CHCHD3: variants seen among roughly 807,000 people sequenced by gnomAD.
CHCHD3 encodes the protein coiled-coil-helix-coiled-coil-helix domain containing 3, also known as MICOS complex subunit MIC19.
Under a neutral mutation model 38.2 loss-of-function variants are expected in CHCHD3, and 20 were observed. The ratio of observed to expected loss-of-function variants is 0.52; its 90% CI spans 0.37 to 0.76. The LOEUF is 0.76. CHCHD3 is among the 30% of genes least tolerant of loss of function. The probability of loss-of-function intolerance (pLI) is 0.00; values close to 1 mark genes in which losing one functional copy is unlikely to be tolerated. For synonymous variants in CHCHD3, 82 were observed against 100.0 expected, an observed-to-expected ratio of 0.82 and a Z score of 1.07; for missense variants, 245 against 279.2, an observed-to-expected ratio of 0.88 and a Z score of 0.87.
chr7:133,058,102 C>A (rs1814393988), intron 2 of CHCHD3, among the ~76,000 whole-genome samples: 1 of 152,098 alleles, frequency 6.6e-6, no homozygotes, highest in Non-Finnish European at 1.5e-5. Flanking sequence ...TTTGCTGTCC[C>A]ACAAAATTAA....
Position 132,919,415 on chromosome 7 carries a change from T to C in CHCHD3, c.370-33670A>G, listed in dbSNP as rs561910750. Among the ~76,000 whole-genome samples, 63 of 152,138 alleles carry C rather than the reference T, an allele frequency of 4.1e-4. 1 individual carries two copies. The highest frequency in any genetic ancestry group is 1.3e-3 in the African/African-American group (56 of 41,522). ...CGTGAGCCACTGTGCCCGGCCATAG[T>C]TGGGTTTATTCTTAGAAGACCCCAC... On this transcript the variant is annotated intron_variant, in intron 4 of 7. Transcript: ENST00000262570.
chr7:132,824,314 CTTTTTTT>C (rs57262694), intron 6 of CHCHD3, among the ~76,000 whole-genome samples: 2 of 90,132 alleles, frequency 2.2e-5, no homozygotes, highest in Non-Finnish European at 2.1e-5. Flanking sequence ...TAGTAGAACT[CTTTTTTT>C]TTTTTTTTTT....
chr7:133,016,412 T>A (rs534374846), intron 3 of CHCHD3, among the ~76,000 whole-genome samples: 11 of 152,344 alleles, frequency 7.2e-5, no homozygotes, highest in African/African-American at 2.6e-4. Context: ...TGTGTCTGTA[T>A]AAAACTGTGA....
At chr7:132,949,862 T>C (rs1810996426) in intron 4 of CHCHD3, among the ~76,000 whole-genome samples, 1 of 151,968 alleles carries the variant, frequency 6.6e-6, no homozygotes, top group Non-Finnish European at 1.5e-5. Flanking sequence ...CATTGTAGAG[T>C]AGCACAGAAT....
chr7:132,793,491 T>C (rs555270105), intron 7 of CHCHD3, among the ~76,000 whole-genome samples: 20 of 152,266 alleles, frequency 1.3e-4, no homozygotes, highest in Middle Eastern at 3.4e-3. Flanking sequence ...CAAGAAATAA[T>C]AGCCTAAATG....
At chr7:132,954,831 C>T (rs1394133666) in intron 4 of CHCHD3, among the ~76,000 whole-genome samples, 1 of 152,150 alleles carries the variant, frequency 6.6e-6, no homozygotes, top group Admixed American at 6.6e-5. Context: ...ATACAGCTTG[C>T]CCTGACGGAG....
intron 4 of CHCHD3, among the ~76,000 whole-genome samples, chr7:132,945,603 G>C (rs1461984734): frequency 1.3e-5 from 2 of 151,882 alleles, no homozygotes; most frequent in Non-Finnish European, 2.9e-5. Context: ...ACACATATGA[G>C]AGTAAGCTGA....
intron 5 of CHCHD3, among the ~76,000 whole-genome samples, chr7:132,869,576 G>C (rs1808715408): frequency 6.6e-6 from 1 of 151,992 alleles, no homozygotes; most frequent in Non-Finnish European, 1.5e-5. Context: ...AGATAAATCT[G>C]CTGCCCCCAC....
In CHCHD3 at chr7:133,035,426, G is replaced by A. The variant is rs1444180160; in HGVS notation, c.170-10799C>T. On this transcript the variant is annotated intron_variant, in intron 2 of 7. Coordinates refer to ENST00000262570, the MANE Select transcript of CHCHD3 (RefSeq NM_017812.4). This position sits in a 1 kb window ranked among gnomAD's most constrained non-coding sequence, Gnocchi z 4.7. ...GCTTATAGAGCCACAACAGGGTGCA[G>A]ACAACTGTGATGTCAGCCAATGTCA... 1 of 1,613,518 alleles carries A rather than the reference G, an allele frequency of 6.2e-7. No homozygotes were observed. The highest frequency in any genetic ancestry group is 8.5e-7 in the Non-Finnish European group (1 of 1,179,488).
intron 4 of CHCHD3, among the ~76,000 whole-genome samples, chr7:132,894,924 T>C (rs1383589366): frequency 6.6e-6 from 1 of 152,234 alleles, no homozygotes; most frequent in African/African-American, 2.4e-5. Context: ...AGTATTCTTA[T>C]TAGAAGCTCA....
Position 133,008,100 on chromosome 7 carries a change from T to C in CHCHD3, c.251+16446A>G, listed in dbSNP as rs539813728. Among the ~76,000 whole-genome samples, 11 of 152,338 alleles carry C rather than the reference T, an allele frequency of 7.2e-5. No homozygotes were observed. The South Asian group carries it at 2.3e-3, about 32-fold the overall frequency. On this transcript the variant is annotated intron_variant, in intron 3 of 7. Transcript: ENST00000262570. ...GGAAAAAAACCTGAGGAGATAAGAA[T>C]AGTGCAACCAATTCATGACTGGACA...
intron 2 of CHCHD3, among the ~76,000 whole-genome samples, chr7:133,037,108 A>C (rs1418188441): frequency 1.3e-5 from 2 of 152,218 alleles, no homozygotes; most frequent in African/African-American, 4.8e-5. Context: ...TTATCTTTGA[A>C]TGCTGCTAAA....
chr7:132,986,896 A>T (rs1487849391), intron 3 of CHCHD3, among the ~76,000 whole-genome samples: 1 of 152,168 alleles, frequency 6.6e-6, no homozygotes, highest in Non-Finnish European at 1.5e-5. Context: ...AGAGCTGCTA[A>T]CCCCTGAGCC....
At chr7:133,079,589 G>C (rs1273114742) in intron 1 of CHCHD3, among the ~76,000 whole-genome samples, 1 of 152,182 alleles carries the variant, frequency 6.6e-6, no homozygotes, top group African/African-American at 2.4e-5. Context: ...AACCAATCAA[G>C]GGAAGTGATG....
intron 6 of CHCHD3, among the ~76,000 whole-genome samples, chr7:132,829,879 T>A (rs1031364621): frequency 5.3e-5 from 8 of 152,188 alleles, no homozygotes; most frequent in Non-Finnish European, 1.2e-4. Context: ...CCTGCCCTTT[T>A]TATCCCTATA....
chr7:132,822,431 TA>T (rs917104026), intron 6 of CHCHD3, among the ~76,000 whole-genome samples: 35 of 148,764 alleles, frequency 2.4e-4, no homozygotes, highest in Middle Eastern at 6.9e-3. Flanking sequence ...TTTTTTAATT[TA>T]AAAAAAAAAG....
intron 6 of CHCHD3, among the ~76,000 whole-genome samples, chr7:132,815,097 A>C (rs958316925): frequency 1.3e-5 from 2 of 152,240 alleles, no homozygotes; most frequent in African/African-American, 4.8e-5. Flanking sequence ...CATTTTATCA[A>C]GGCATTTCAA....
At chr7:133,070,052 G>T (rs1031136446) in intron 2 of CHCHD3, 90 bp downstream of exon 2, 10 of 867,270 alleles carry the variant, frequency 1.2e-5, no homozygotes, top group Middle Eastern at 3.5e-4. Flanking sequence ...AATAACGAAA[G>T]ACAGAATGCT....
chr7:132,822,347 T>C (rs1288006830), intron 6 of CHCHD3, among the ~76,000 whole-genome samples: 2 of 152,130 alleles, frequency 1.3e-5, no homozygotes, highest in Non-Finnish European at 2.9e-5. Flanking sequence ...GCTGCAAAGG[T>C]TGTGCCAAAA....
Sources: allele counts gnomAD v4.1 joint callset (sites outside exome capture counted in the v4.1 genomes callset), GRCh38; gene constraint gnomAD v4.1.1; non-coding constraint Gnocchi (gnomAD v3.1); transcripts MANE v1.5; gene names NCBI Gene and HGNC (gene_info 2026-07-23, HGNC 2026-07-21).